Variants in HDAC9 observed in about 807,000 individuals in gnomAD.
HDAC9 encodes the protein histone deacetylase 9.
Under a neutral mutation model 139.4 loss-of-function variants are expected in HDAC9, and 41 were observed. The ratio of observed to expected loss-of-function variants is 0.29; its 90% CI spans 0.23 to 0.38. HDAC9 has a LOEUF of 0.38. HDAC9 is among the 10% of genes least tolerant of loss of function. HDAC9 has a pLI of 1.00. For missense variants in HDAC9, 1,147 were observed against 1,297.0 expected (o/e 0.88, Z 1.78); for synonymous variants, 517 against 476.2 (o/e 1.09, Z -1.12).
chr7:18,229,602 C>T (rs1284250316), intron 2 of HDAC9, among the ~76,000 whole-genome samples: 1 of 152,160 alleles, frequency 6.6e-6, no homozygotes, highest in Non-Finnish European at 1.5e-5. Flanking sequence ...TGTCTTTCAA[C>T]TATGCACAAA....
intron 2 of HDAC9, among the ~76,000 whole-genome samples, chr7:18,254,761 C>T (rs978911185): frequency 6.6e-6 from 1 of 152,088 alleles, no homozygotes; most frequent in Non-Finnish European, 1.5e-5. Flanking sequence ...TTAAATCTGG[C>T]AGTTTAGAGC....
intron 1 of HDAC9, among the ~76,000 whole-genome samples, chr7:18,319,226 G>A (rs1799857775): frequency 6.6e-6 from 1 of 152,136 alleles, no homozygotes; most frequent in African/African-American, 2.4e-5. Context: ...TTCTGTTGCT[G>A]GTGAAGATTT....
chr7:18,685,726 G>A, intron 12 of HDAC9, among the ~76,000 whole-genome samples: 1 of 151,940 alleles, frequency 6.6e-6, no homozygotes, highest in East Asian at 1.9e-4. Context: ...GGGGTGGGGT[G>A]AGATGGAAGA....
At chr7:18,806,785 T>C (rs1454247809) in intron 17 of HDAC9, among the ~76,000 whole-genome samples, 1 of 152,224 alleles carries the variant, frequency 6.6e-6, no homozygotes, top group East Asian at 1.9e-4. Flanking sequence ...TCACGTTTAT[T>C]GAATTGCATA....
chr7:18,469,358 T>G (rs1027132036), intron 1 of HDAC9, among the ~76,000 whole-genome samples: 3 of 152,146 alleles, frequency 2.0e-5, no homozygotes, highest in Non-Finnish European at 4.4e-5. Context: ...CAATTATAGA[T>G]CTCATAAATC....
At chr7:18,853,547 A>C (rs1277350186) in intron 21 of HDAC9, among the ~76,000 whole-genome samples, 1 of 152,222 alleles carries the variant, frequency 6.6e-6, no homozygotes, top group East Asian at 1.9e-4. Flanking sequence ...TATATTCAGA[A>C]CATCTTTATA....
intron 12 of HDAC9, 69 bp downstream of exon 12, chr7:18,666,545 G>T: frequency 6.4e-7 from 1 of 1,555,314 alleles, no homozygotes; most frequent in East Asian, 2.4e-5. Flanking sequence ...ATGCATTGCA[G>T]GTTTGGTAAA....
intron 1 of HDAC9, among the ~76,000 whole-genome samples, chr7:18,111,533 G>T (rs1292914208): frequency 1.3e-5 from 2 of 152,074 alleles, no homozygotes; most frequent in Non-Finnish European, 2.9e-5. Flanking sequence ...AGTCTCTTGG[G>T]TAAAAGGGTA....
chr7:18,941,790 T>C (rs958622668), intron 23 of HDAC9, among the ~76,000 whole-genome samples: 1 of 152,154 alleles, frequency 6.6e-6, no homozygotes, highest in African/African-American at 2.4e-5. Flanking sequence ...AAATATTATT[T>C]GAAGATACTT....
intron 1 of HDAC9, among the ~76,000 whole-genome samples, chr7:18,475,549 G>A (rs1049697483): frequency 6.6e-6 from 1 of 152,284 alleles, no homozygotes; most frequent in Middle Eastern, 3.4e-3. Flanking sequence ...CAATAAATCA[G>A]TACTTTGTCA....
At chr7:18,183,161 C>T (rs531060920) in intron 2 of HDAC9, among the ~76,000 whole-genome samples, 46 of 152,200 alleles carry the variant, frequency 3.0e-4, no homozygotes, top group African/African-American at 1.0e-3. Context: ...AGGTGCCTGC[C>T]ACCACACCCG....
chr7:18,629,096 A>G (rs771357072), intron 6 of HDAC9, among the ~76,000 whole-genome samples: 2 of 152,154 alleles, frequency 1.3e-5, no homozygotes, highest in African/African-American at 2.4e-5. Context: ...TAGAAAACTT[A>G]TATTTTTGTT....
At chr7:18,820,956 T>C (rs2588634) in intron 17 of HDAC9, among the ~76,000 whole-genome samples, 129,480 of 152,122 alleles carry the variant, frequency 0.85, 55,706 homozygotes, top group South Asian at 0.91. Flanking sequence ...TAATGTATGA[T>C]AAGCAGAAAT....
intron 1 of HDAC9, among the ~76,000 whole-genome samples, chr7:18,330,317 A>G (rs1297163209): frequency 6.6e-6 from 1 of 151,556 alleles, no homozygotes; most frequent in Non-Finnish European, 1.5e-5. Flanking sequence ...CGGAAATCTG[A>G]AACTTGTTAG....
rs116194664 is a variant in HDAC9, at chr7:18,574,716, G to C, written c.23-10565G>C. Reference sequence around the variant, plus strand: ...TCCAAAGGAGGCCAAGACGACAGGGGGCTGGCGTGTCAGTGCTGCCCTGAG... The same window carrying C: ...TCCAAAGGAGGCCAAGACGACAGGGCGCTGGCGTGTCAGTGCTGCCCTGAG... On this transcript the variant is annotated intron_variant, in intron 2 of 25. Coordinates refer to ENST00000686413, the MANE Select transcript of HDAC9 (RefSeq NM_178425.4). 3.9e-3 allele frequency among the ~76,000 whole-genome samples: 594 copies of C among 152,334 alleles called. 6 individuals carry two copies. The highest frequency in any genetic ancestry group is 0.014 in the African/African-American group (584 of 41,578).
At chr7:18,988,626 T>C (rs928352271) in intron 25 of HDAC9, among the ~76,000 whole-genome samples, 1 of 152,186 alleles carries the variant, frequency 6.6e-6, no homozygotes, top group African/African-American at 2.4e-5. Context: ...CTTGTTTACT[T>C]TCTGTCTCAT....
At chr7:18,337,045 T>C (rs1781636561) in intron 1 of HDAC9, among the ~76,000 whole-genome samples, 1 of 151,684 alleles carries the variant, frequency 6.6e-6, no homozygotes, top group South Asian at 2.1e-4. Context: ...ATAATATATT[T>C]AATTTATATC....
intron 6 of HDAC9, among the ~76,000 whole-genome samples, chr7:18,603,575 G>C (rs536227055): frequency 6.6e-6 from 1 of 152,096 alleles, no homozygotes; most frequent in Admixed American, 6.5e-5. Flanking sequence ...CCTTATAAAA[G>C]TGTATTTCTA....
intron 22 of HDAC9, among the ~76,000 whole-genome samples, chr7:18,902,815 AT>A (rs1801852820): frequency 6.6e-6 from 1 of 152,184 alleles, no homozygotes; most frequent in Admixed American, 6.5e-5. Context: ...ATTTCACACT[AT>A]TTATAAGTGA....
Sources: gnomAD v4.1 joint callset for allele counts (sites outside exome capture counted in the v4.1 genomes callset) on GRCh38, gnomAD v4.1.1 for gene constraint, MANE v1.5 for transcripts, NCBI Gene and HGNC (gene_info 2026-07-23, HGNC 2026-07-21) for gene names.